Variants in STT3B observed in about 807,000 individuals in gnomAD.
STT3B encodes dolichyl-diphosphooligosaccharide--protein glycosyltransferase subunit STT3B.
STT3B carries 29 observed loss-of-function variants against 96.8 expected under a neutral mutation model. The ratio of observed to expected loss-of-function variants is 0.30; its 90% CI spans 0.22 to 0.41. STT3B has a LOEUF of 0.41. STT3B is among the 10% of genes least tolerant of loss of function. The pLI, the probability that STT3B is intolerant of heterozygous loss-of-function variation, is 1.00. For synonymous variants in STT3B, 367 were observed against 360.0 expected (o/e 1.02, Z -0.22); for missense variants, 640 against 1,022.3 (o/e 0.63, Z 5.10).
chr3:31,624,734 A>G (rs1012557927), intron 11 of STT3B, among the ~76,000 whole-genome samples, 180 bp from the exon 12 acceptor site: 2 of 151,428 alleles, frequency 1.3e-5, no homozygotes, highest in African/African-American at 4.9e-5. Flanking sequence ...ATTAGTTTGA[A>G]TAACACCAGT....
chr3:31,535,364 T>G (rs1351705548), intron 1 of STT3B, among the ~76,000 whole-genome samples: 1 of 151,764 alleles, frequency 6.6e-6, no homozygotes, highest in Non-Finnish European at 1.5e-5. Flanking sequence ...TAGCTAAGTA[T>G]TAAAAGTTTT....
intron 5 of STT3B, among the ~76,000 whole-genome samples, chr3:31,611,614 A>G (rs997610560): frequency 1.3e-5 from 2 of 152,128 alleles, no homozygotes; most frequent in African/African-American, 4.8e-5. Context: ...CTCCTGCCTC[A>G]GCCTCCCAAG....
At chr3:31,584,933 A>T (rs1022319481) in intron 3 of STT3B, among the ~76,000 whole-genome samples, 1 of 152,128 alleles carries the variant, frequency 6.6e-6, no homozygotes, top group African/African-American at 2.4e-5. Context: ...AGTGGAAATA[A>T]TTACAGTTCT....
chr3:31,547,490 C>CA (rs1294579560), intron 1 of STT3B, among the ~76,000 whole-genome samples: 1 of 152,006 alleles, frequency 6.6e-6, no homozygotes, highest in African/African-American at 2.4e-5. Flanking sequence ...ACTAAAAATA[C>CA]AAAAAATCAG....
At chr3:31,565,899 G>C (rs1345122189) in intron 1 of STT3B, among the ~76,000 whole-genome samples, 1 of 152,096 alleles carries the variant, frequency 6.6e-6, no homozygotes, top group African/African-American at 2.4e-5. Context: ...AAGCTTTAAG[G>C]TTCAAAGTTG....
In STT3B at chr3:31,633,073, G is replaced by C; in HGVS notation, c.2326G>C (p.Asp776His). 6.2e-7 allele frequency: 1 copy of C among 1,614,018 alleles called. No individual in the cohort carries two copies. The highest frequency in any genetic ancestry group is 8.5e-7 in the Non-Finnish European group (1 of 1,179,964). Residue 776 changes from aspartate (D) to histidine (H), a missense_variant, in exon 15 of 16, where the codon GAT becomes CAT. By Grantham distance (81) the Asp-to-His change is moderately conservative. Coordinates refer to ENST00000295770, the MANE Select transcript of STT3B (RefSeq NM_178862.3). ...TAGGATATATAAAGTAAAAGCACCT[G>C]ATAACAGGGAGACATTAGATCACAA... ...LVRIYKVKAPDNRETLDHKPR... is the reference protein window; with the variant it reads ...LVRIYKVKAPHNRETLDHKPR...
chr3:31,612,946 C>G (rs915467372), intron 5 of STT3B, among the ~76,000 whole-genome samples: 2 of 152,094 alleles, frequency 1.3e-5, no homozygotes, highest in Admixed American at 1.3e-4. Flanking sequence ...AGGGTGGAAA[C>G]TTTTTCACTT....
At chr3:31,598,669 G>C (rs1698849192) in intron 4 of STT3B, among the ~76,000 whole-genome samples, 1 of 152,116 alleles carries the variant, frequency 6.6e-6, no homozygotes, top group Non-Finnish European at 1.5e-5. Flanking sequence ...ACTGGTTTCA[G>C]CTTTTCTTTG....
rs189394758 is a variant in STT3B, at chr3:31,622,933, G to A, written c.1539+625G>A. Among the ~76,000 whole-genome samples, 352 of 152,180 alleles carry A rather than the reference G, an allele frequency of 2.3e-3. 2 individuals are homozygous for A. The highest frequency in any genetic ancestry group is 8.0e-3 in the African/African-American group (333 of 41,508). ...AACTTTGCTATTTGAATATTGCCTG[G>A]ATTTTAAAATACTAATAAATTAAAC... On this transcript the variant is annotated intron_variant, in intron 10 of 15. Coordinates refer to ENST00000295770, the MANE Select transcript of STT3B (RefSeq NM_178862.3).
Position 31,533,247 on chromosome 3 carries a change from C to G in STT3B, c.249C>G (p.Ala83=). Reference sequence around the variant, plus strand: ...CCATCCTCTTCCTGGCCTGGCTTGCCGGCTTCAGCTCGCGCCTCTTCGCCG... The same window carrying G: ...CCATCCTCTTCCTGGCCTGGCTTGCGGGCTTCAGCTCGCGCCTCTTCGCCG... ...SFTILFLAWL[A]GFSSRLFAVI... is the part of the protein sequence containing the mutation. Residue 83 remains alanine, a synonymous_variant, in exon 1 of 16, where the codon GCC becomes GCG. Transcript: ENST00000295770. The G allele has an allele frequency of 2.0e-6, 3 of 1,509,822 alleles. No individual in the cohort carries two copies. The highest frequency in any genetic ancestry group is 2.7e-6 in the Non-Finnish European group (3 of 1,128,442). 93.5% of individuals were successfully genotyped at this position (1,509,822 alleles called of 1,614,324 possible).
intron 15 of STT3B, among the ~76,000 whole-genome samples, chr3:31,633,602 A>G (rs953185881): frequency 6.9e-6 from 1 of 145,036 alleles, no homozygotes; most frequent in Middle Eastern, 3.4e-3. Context: ...AAAATCATTT[A>G]TCTTAAGATA....
At chr3:31,550,658 C>G (rs973609208) in intron 1 of STT3B, among the ~76,000 whole-genome samples, 2 of 152,198 alleles carry the variant, frequency 1.3e-5, no homozygotes, top group African/African-American at 2.4e-5. Flanking sequence ...TCATATTAGG[C>G]TTGAGCATAA....
chr3:31,589,393 A>C (rs779386880), intron 3 of STT3B, among the ~76,000 whole-genome samples: 1 of 151,982 alleles, frequency 6.6e-6, no homozygotes, highest in African/African-American at 2.4e-5. Context: ...GCACGAAAAA[A>C]AGTCAGCTTC....
Position 31,617,015 on chromosome 3 carries a change from T to C in STT3B, c.1063T>C (p.Leu355=), listed in dbSNP as rs1471680178. 2 of 1,612,016 alleles carry C rather than the reference T, an allele frequency of 1.2e-6. No individual in the cohort carries two copies. Among genetic ancestry groups the C allele is most frequent in the Non-Finnish European group, 8.5e-7 (1 of 1,178,394 alleles). ...TKQEFQTLFF[L]GVSLAAGAVF... ...ACAAGAGTTCCAGACCCTTTTCTTT[T>C]TGGGTGTATCACTAGCTGCAGGTGC... is the stretch of plus-strand genomic sequence containing the variant. The change falls in exon 7 of 16, where the codon TTG becomes CTG. Residue 355 remains leucine, a synonymous_variant. Coordinates refer to ENST00000295770, the MANE Select transcript of STT3B (RefSeq NM_178862.3).
chr3:31,557,244 G>C (rs1575412471), intron 1 of STT3B, among the ~76,000 whole-genome samples: 1 of 152,144 alleles, frequency 6.6e-6, no homozygotes, highest in Admixed American at 6.6e-5. Context: ...ATTGGTCTGT[G>C]TCTTTTTATA....
intron 1 of STT3B, among the ~76,000 whole-genome samples, chr3:31,550,543 G>A (rs1275209974): frequency 6.6e-6 from 1 of 152,188 alleles, no homozygotes; most frequent in Non-Finnish European, 1.5e-5. Context: ...TCCCTTCAGA[G>A]TTAACCTAGT....
chr3:31,612,040 AG>A (rs1699192572), intron 5 of STT3B, among the ~76,000 whole-genome samples: 1 of 152,202 alleles, frequency 6.6e-6, no homozygotes, highest in Non-Finnish European at 1.5e-5. Context: ...GTACAAGTTG[AG>A]TACTCCTAAT....
intron 5 of STT3B, among the ~76,000 whole-genome samples, chr3:31,605,150 C>G (rs1328484368): frequency 6.6e-6 from 1 of 151,770 alleles, no homozygotes; most frequent in African/African-American, 2.4e-5. Flanking sequence ...GAGGTGATTA[C>G]TGTATTAAGA....
intron 3 of STT3B, among the ~76,000 whole-genome samples, chr3:31,580,790 G>C (rs1698367625): frequency 6.6e-6 from 1 of 152,010 alleles, no homozygotes; most frequent in African/African-American, 2.4e-5. Context: ...GATCAGTATA[G>C]ACAGTGTCTT....
Sources: gnomAD v4.1 joint callset for allele counts (sites outside exome capture counted in the v4.1 genomes callset) on GRCh38, gnomAD v4.1.1 for gene constraint, MANE v1.5 for transcripts, NCBI Gene and HGNC (gene_info 2026-07-23, HGNC 2026-07-21) for gene names.